Variants in EEPD1 observed in about 807,000 individuals in gnomAD.
The protein encoded by EEPD1 is endonuclease/exonuclease/phosphatase family domain containing 1.
EEPD1 carries 17 observed loss-of-function variants against 46.3 expected under a neutral mutation model. The observed-to-expected ratio is 0.37, with a 90% CI of 0.25 to 0.55. The LOEUF is 0.55. Among genes scored for constraint, EEPD1 ranks in the 20% least tolerant of loss-of-function variants. EEPD1 has a pLI of 0.83. For synonymous variants in EEPD1, 313 were observed against 315.6 expected, an observed-to-expected ratio of 0.99 and a Z score of 0.09; for missense variants, 673 against 745.6, an observed-to-expected ratio of 0.90 and a Z score of 1.13.
chr7:36,224,104 CTTAAA>C (rs2115751747), intron 2 of EEPD1, among the ~76,000 whole-genome samples: 1 of 152,296 alleles, frequency 6.6e-6, no homozygotes, highest in South Asian at 2.1e-4. Context: ...AGCCTCAGAT[CTTAAA>C]TTAGGTTAAA....
rs765335693 is a variant in EEPD1 at position 36,154,708 on chromosome 7, C to G, written c.384C>G (p.Ala128=). 3.1e-6 allele frequency: 5 copies of G among 1,613,818 alleles called. No homozygotes were observed. The highest frequency in any genetic ancestry group is 4.2e-6 in the Non-Finnish European group (5 of 1,180,022). The change falls in exon 2 of 8, where the codon GCC becomes GCG. Residue 128 remains alanine (A), a synonymous_variant. Transcript: ENST00000242108. The surrounding 1 kb of genome is among the most constrained non-coding windows in gnomAD (Gnocchi z 4.2). Reference sequence around the variant, plus strand: ...CGGAGCAGCAGCCTCACCACCTGGCCACAGCTGTGCCCCTCACCCCACGTG... The same window carrying G: ...CGGAGCAGCAGCCTCACCACCTGGCGACAGCTGTGCCCCTCACCCCACGTG... ...LLAEQQPHHL[A]TAVPLTPRVN... is the part of the protein sequence containing the mutation.
chr7:36,276,506 T>C (rs1422613407), intron 3 of EEPD1, among the ~76,000 whole-genome samples: 1 of 152,292 alleles, frequency 6.6e-6, no homozygotes, highest in African/African-American at 2.4e-5. Context: ...ACGGGCTCAG[T>C]ATATTGCCTC....
chr7:36,219,795 G>GAC (rs1442426762), intron 2 of EEPD1, among the ~76,000 whole-genome samples: 26 of 108,762 alleles, frequency 2.4e-4, no homozygotes, highest in African/African-American at 7.5e-4. Context: ...GAGAGAGAGA[G>GAC]AGAGAGAGAG....
At chr7:36,160,934 A>G (rs1784894507) in intron 2 of EEPD1, among the ~76,000 whole-genome samples, 1 of 152,314 alleles carries the variant, frequency 6.6e-6, no homozygotes, top group Admixed American at 6.5e-5. Context: ...GCTGACACAC[A>G]TGCCTCTGTA....
intron 2 of EEPD1, among the ~76,000 whole-genome samples, chr7:36,165,586 A>AATTAATTAATTTATTT (rs147653968): frequency 4.5e-5 from 6 of 134,630 alleles, no homozygotes; most frequent in Non-Finnish European, 9.5e-5. Flanking sequence ...CGCCCCAGCT[A>AATTAATTAATTTATTT]ATTTATTTAT....
intron 2 of EEPD1, among the ~76,000 whole-genome samples, chr7:36,237,076 A>G (rs1401961720): frequency 1.3e-5 from 2 of 152,162 alleles, no homozygotes; most frequent in East Asian, 3.9e-4. Context: ...GAGACCACCA[A>G]CCCACCAGGA....
intron 2 of EEPD1, among the ~76,000 whole-genome samples, chr7:36,201,722 C>G (rs1562684717): frequency 6.6e-6 from 1 of 152,186 alleles, no homozygotes; most frequent in Non-Finnish European, 1.5e-5. Flanking sequence ...TGTCCCTTAT[C>G]TCTGCCAACC....
intron 2 of EEPD1, among the ~76,000 whole-genome samples, chr7:36,182,698 G>C (rs1253175526): frequency 6.6e-6 from 1 of 152,198 alleles, no homozygotes; most frequent in African/African-American, 2.4e-5. Flanking sequence ...CTGGAAAGCA[G>C]GCAAGTCAGG....
chr7:36,192,517 A>AG (rs529213831), intron 2 of EEPD1, among the ~76,000 whole-genome samples: 156 of 151,860 alleles, frequency 1.0e-3, no homozygotes, highest in Non-Finnish European at 1.9e-3. Context: ...CTTTCTTTAA[A>AG]AAAAAAAAAT....
intron 3 of EEPD1, among the ~76,000 whole-genome samples, chr7:36,257,606 G>T (rs1464966584): frequency 1.3e-5 from 2 of 151,998 alleles, no homozygotes; most frequent in Non-Finnish European, 2.9e-5. Context: ...TATTCCACTT[G>T]ATCGATTTGG....
chr7:36,246,981 C>G (rs1438877757), intron 3 of EEPD1, among the ~76,000 whole-genome samples: 1 of 151,982 alleles, frequency 6.6e-6, no homozygotes, highest in East Asian at 1.9e-4. Context: ...CAAAAATTAG[C>G]CAGGCGTGGT....
chr7:36,244,943 T>G (rs1483620572), intron 3 of EEPD1, among the ~76,000 whole-genome samples: 1 of 150,236 alleles, frequency 6.7e-6, no homozygotes, highest in African/African-American at 2.4e-5. Flanking sequence ...CGGCTAATGT[T>G]TTTTTTTTGT....
chr7:36,295,516 C>T (rs1787509279), intron 6 of EEPD1, among the ~76,000 whole-genome samples: 1 of 151,382 alleles, frequency 6.6e-6, no homozygotes, highest in Non-Finnish European at 1.5e-5. Flanking sequence ...TGTGTAGATA[C>T]TCTAGCCTAA....
chr7:36,160,679 G>GGGGGGGGGGGGGGT (rs1554308595), intron 2 of EEPD1, among the ~76,000 whole-genome samples: 1 of 115,684 alleles, frequency 8.6e-6, no homozygotes, highest in Non-Finnish European at 1.9e-5. Flanking sequence ...GAGGTGGTGG[G>GGGGGGGGGGGGGGT]GGGCGGGGCG....
At chr7:36,220,377 G>C (rs1381106386) in intron 2 of EEPD1, among the ~76,000 whole-genome samples, 1 of 152,156 alleles carries the variant, frequency 6.6e-6, no homozygotes, top group Non-Finnish European at 1.5e-5. Flanking sequence ...GGGTTAGGGA[G>C]GTGAATGGTA....
At chr7:36,290,946 C>T (rs995218357) in intron 6 of EEPD1, among the ~76,000 whole-genome samples, 2 of 152,208 alleles carry the variant, frequency 1.3e-5, no homozygotes, top group African/African-American at 4.8e-5. Flanking sequence ...GAAGCAACAA[C>T]TGCCTTGATG....
chr7:36,227,375 C>T lies in EEPD1; in HGVS notation c.879-11610C>T, dbSNP rs77695300. ...TCTGTGCTGACATCCTAATCCCGCACTTGGCTTTGGCAAGGAAGGGTGTCT... is the reference window on the plus strand; with the variant it reads ...TCTGTGCTGACATCCTAATCCCGCATTTGGCTTTGGCAAGGAAGGGTGTCT... On this transcript the variant is annotated intron_variant, in intron 2 of 7. Transcript: ENST00000242108. Among the ~76,000 whole-genome samples, 228 of 152,310 alleles carry T rather than the reference C, an allele frequency of 1.5e-3. 4 individuals are homozygous for T. In the East Asian group the frequency reaches 0.033, roughly 22 times the overall value.
intron 2 of EEPD1, among the ~76,000 whole-genome samples, chr7:36,206,169 AT>A (rs1785813840): frequency 6.6e-6 from 1 of 152,132 alleles, no homozygotes; most frequent in South Asian, 2.1e-4. Context: ...GAGACATAGG[AT>A]TTTATCGTAA....
In EEPD1 at chr7:36,155,027, C is replaced by T. The variant is rs773010785; in HGVS notation, c.703C>T (p.Pro235Ser). 1.2e-6 allele frequency: 2 copies of T among 1,604,452 alleles called. No individual in the cohort carries two copies. The highest frequency in any genetic ancestry group is 8.5e-7 in the Non-Finnish European group (1 of 1,173,790). The change falls in exon 2 of 8, where the codon CCA (proline) becomes TCA (serine). Residue 235 changes from proline (P) to serine (S), a missense_variant. Transcript: ENST00000242108. ...GCAGAGTGAGGACCTGGACCTGCCG[C>T]CAGGGGGGCCCACCCAGATTATCTC... ...SLQSEDLDLP[P>S]GGPTQIISTR...
Sources: allele counts gnomAD v4.1 joint callset (sites outside exome capture counted in the v4.1 genomes callset), GRCh38; gene constraint gnomAD v4.1.1; non-coding constraint Gnocchi (gnomAD v3.1); transcripts MANE v1.5; gene names NCBI Gene and HGNC (gene_info 2026-07-23, HGNC 2026-07-21).